The following CLVS1 variants were observed in gnomAD, a reference collection of about 807,000 sequenced individuals.
CLVS1 encodes the protein clavesin 1.
CLVS1 carries 10 observed loss-of-function variants against 33.1 expected under a neutral mutation model. The observed-to-expected ratio is 0.30, with a 90% CI of 0.19 to 0.51. The LOEUF is 0.51. Among genes scored for constraint, CLVS1 ranks in the 20% least tolerant of loss-of-function variants. The probability of loss-of-function intolerance (pLI) is 0.97; values close to 1 mark genes in which losing one functional copy is unlikely to be tolerated. For missense variants in CLVS1, 343 were observed against 433.4 expected, an observed-to-expected ratio of 0.79 and a Z score of 1.85; for synonymous variants, 163 against 166.1, an observed-to-expected ratio of 0.98 and a Z score of 0.14.
intron 1 of CLVS1, 103 bp from the exon 2 acceptor site, chr8:61,299,574 C>T: frequency 2.3e-6 from 1 of 441,660 alleles, no homozygotes; most frequent in Admixed American, 3.9e-5. Flanking sequence ...TAATCAGACC[C>T]ACAGCCTAAT....
At chr8:61,475,390 G>C (rs1445090330) in intron 5 of CLVS1, among the ~76,000 whole-genome samples, 2 of 152,228 alleles carry the variant, frequency 1.3e-5, no homozygotes, top group Non-Finnish European at 2.9e-5. Flanking sequence ...CACAATGGTT[G>C]AACTAGTTTA....
At chr8:61,272,978 C>A (rs914549113) in intron 2 of CLVS1, among the ~76,000 whole-genome samples, 17 of 149,122 alleles carry the variant, frequency 1.1e-4, no homozygotes, top group African/African-American at 4.3e-4. Flanking sequence ...TCGTCTGAAG[C>A]CTTCTTCTCT....
At chr8:60,999,210 TTAGCGTGCAGTGCTACTACTGGCTG>T in the CLVS1 span, among the ~76,000 whole-genome samples, 1 of 152,240 alleles carries the variant, frequency 6.6e-6, no homozygotes, top group Non-Finnish European at 1.5e-5. Flanking sequence ...TCCCTTCAGC[TTAGCGTGCAGTGCTACTACTGGCTG>T]GCAGTTACTG....
chr8:60,997,128 T>C, the CLVS1 span, among the ~76,000 whole-genome samples: 2 of 152,196 alleles, frequency 1.3e-5, no homozygotes, highest in South Asian at 2.1e-4. Flanking sequence ...ATTTTCTTGA[T>C]GGATGGATTT....
At chr8:61,372,396 T>C (rs371984309) in intron 2 of CLVS1, among the ~76,000 whole-genome samples, 9 of 152,198 alleles carry the variant, frequency 5.9e-5, no homozygotes, top group Admixed American at 4.6e-4. Flanking sequence ...AGAAGGCATT[T>C]ATTTTTTAAA....
At chr8:61,349,978 A>G (rs371712824) in intron 2 of CLVS1, among the ~76,000 whole-genome samples, 18 of 152,146 alleles carry the variant, frequency 1.2e-4, no homozygotes, top group African/African-American at 4.3e-4. Flanking sequence ...AGGAAGGTTT[A>G]ATTTTATCTC....
chr8:61,290,845 C>T (rs982764724), intron 1 of CLVS1, among the ~76,000 whole-genome samples: 1 of 152,170 alleles, frequency 6.6e-6, no homozygotes, highest in Non-Finnish European at 1.5e-5. Context: ...TCTTTTCAAC[C>T]TTCTCCCAAA....
intron 5 of CLVS1, among the ~76,000 whole-genome samples, chr8:61,489,598 C>A (rs1027416347): frequency 1.3e-5 from 2 of 152,058 alleles, no homozygotes; most frequent in Admixed American, 1.3e-4. Flanking sequence ...AAAGATAATG[C>A]GACGAAATAC....
At chr8:61,227,248 C>A (rs1190020662) in intron 2 of CLVS1, among the ~76,000 whole-genome samples, 1 of 150,568 alleles carries the variant, frequency 6.6e-6, no homozygotes, top group African/African-American at 2.4e-5. Context: ...GAATGAAGTC[C>A]TTTTGGATGT....
At chr8:61,131,084 G>T (rs10113435) in intron 1 of CLVS1, among the ~76,000 whole-genome samples, 33,948 of 152,132 alleles carry the variant, frequency 0.22, 4,582 homozygotes, top group African/African-American at 0.37. Flanking sequence ...AGGATCATGT[G>T]CCTGAGCCTC....
intron 3 of CLVS1, among the ~76,000 whole-genome samples, chr8:61,402,191 G>A (rs527760200): frequency 6.6e-6 from 1 of 152,136 alleles, no homozygotes; most frequent in South Asian, 2.1e-4. Context: ...TAAAAAGCAA[G>A]AGACCCTAAG....
At chr8:61,461,805 C>T (rs1049658546) in intron 5 of CLVS1, among the ~76,000 whole-genome samples, 2 of 152,164 alleles carry the variant, frequency 1.3e-5, no homozygotes, top group Admixed American at 1.3e-4. Context: ...TTCAAAAGCC[C>T]TCCAAATGAC....
intron 5 of CLVS1, among the ~76,000 whole-genome samples, chr8:61,459,056 A>G (rs2129607226): frequency 6.6e-6 from 1 of 152,340 alleles, no homozygotes; most frequent in Admixed American, 6.5e-5. Flanking sequence ...GGCGACATTC[A>G]GTCTGAGCTC....
Position 61,226,934 on chromosome 8 carries a change from G to C in CLVS1, c.-151-72743G>C, listed in dbSNP as rs1042645641. On this transcript the variant is annotated intron_variant, in intron 2 of 2. Transcript: ENST00000522621. ...ATAAGAGTTCCTTTCTGATGATCCA[G>C]GGTTTCAGAATTATATGAAGAACAC... Among the ~76,000 whole-genome samples, 6 of 151,974 alleles carry C rather than the reference G, an allele frequency of 3.9e-5. No individual in the cohort carries two copies. The East Asian group carries it at 1.2e-3, about 29-fold the overall frequency.
chr8:61,214,144 A>G (rs1193098926), intron 2 of CLVS1, among the ~76,000 whole-genome samples: 3 of 152,174 alleles, frequency 2.0e-5, no homozygotes, highest in East Asian at 1.9e-4. Context: ...GATGTTATCA[A>G]TGACAATGGT....
intron 2 of CLVS1, among the ~76,000 whole-genome samples, chr8:61,333,304 C>G (rs976804228): frequency 2.0e-5 from 3 of 152,094 alleles, no homozygotes; most frequent in African/African-American, 7.2e-5. Context: ...CAGAAAACTC[C>G]TTTACGTATC....
At chr8:61,225,895 A>G (rs1056341699) in intron 2 of CLVS1, among the ~76,000 whole-genome samples, 4 of 152,216 alleles carry the variant, frequency 2.6e-5, no homozygotes, top group Non-Finnish European at 5.9e-5. Context: ...TCTGCCTTTC[A>G]TGGTAGTGCT....
chr8:61,293,258 C>G (rs1810061535), intron 1 of CLVS1, among the ~76,000 whole-genome samples: 1 of 152,198 alleles, frequency 6.6e-6, no homozygotes, highest in Admixed American at 6.5e-5. Context: ...ACTACTCTCC[C>G]TGCCCCTAGT....
chr8:61,235,667 G>A (rs1303589204), intron 2 of CLVS1, among the ~76,000 whole-genome samples: 1 of 152,168 alleles, frequency 6.6e-6, no homozygotes, highest in African/African-American at 2.4e-5. Flanking sequence ...TTCCTTGCCT[G>A]ATATATCAAG....
Sources: allele counts gnomAD v4.1 joint callset (sites outside exome capture counted in the v4.1 genomes callset), GRCh38; gene constraint gnomAD v4.1.1; transcripts MANE v1.5; gene names NCBI Gene and HGNC (gene_info 2026-07-23, HGNC 2026-07-21).